The following TRMT2B variants were observed in gnomAD, a reference collection of about 807,000 sequenced individuals.
TRMT2B encodes tRNA (uracil-5-)-methyltransferase homolog B.
In TRMT2B, 34 loss-of-function variants were observed where a neutral mutation model predicts 39.7. The ratio of observed to expected loss-of-function variants is 0.86; its 90% confidence interval spans 0.65 to 1.14. TRMT2B has a LOEUF of 1.14. TRMT2B is among the 50% of genes most tolerant of loss of function. The probability of loss-of-function intolerance (pLI) is 0.00; values close to 1 mark genes in which losing one functional copy is unlikely to be tolerated. For missense variants in TRMT2B, 318 were observed against 377.2 expected (o/e 0.84, Z 1.30); for synonymous variants, 132 against 137.3 (o/e 0.96, Z 0.27).
the TRMT2B span, among the ~76,000 whole-genome samples, chrX:100,998,588 T>C: frequency 6.5e-5 from 7 of 108,090 alleles, no homozygotes; most frequent in Admixed American, 2.0e-4. Flanking sequence ...ACCCATTTCA[T>C]GCATGCTATG....
intron 7 of TRMT2B, among the ~76,000 whole-genome samples, chrX:101,032,618 TA>T (rs2087555605): frequency 9.8e-6 from 1 of 102,403 alleles, no homozygotes; most frequent in Non-Finnish European, 2.0e-5. Flanking sequence ...AAATAAAATA[TA>T]AAAAAAATTA....
At chrX:100,976,607 T>C in the TRMT2B span, among the ~76,000 whole-genome samples, 1 of 112,208 alleles carries the variant, frequency 8.9e-6, no homozygotes, top group Non-Finnish European at 1.9e-5. Context: ...TTGTTGTTGT[T>C]GTTAGTTAGT....
At chrX:101,050,181 T>C (rs2088970887) in intron 2 of TRMT2B, among the ~76,000 whole-genome samples, 1 of 111,915 alleles carries the variant, frequency 8.9e-6, no homozygotes. Context: ...AGCAGGAGGG[T>C]CCTTGTCCAT....
rs1054238258 is a variant in TRMT2B at position 101,013,091 on chromosome X, G to A, written c.1389-2384C>T. 1.3e-4 allele frequency among the ~76,000 whole-genome samples: 14 copies of A among 111,606 alleles called. 1 individual carries two copies. Among genetic ancestry groups the A allele is most frequent in the African/African-American group, 3.3e-4 (10 of 30,692 alleles). ...CTACCTCAGCCTCCCGAAGTGCTGG[G>A]ATTACAGGCGTGAGCCACCGCGCCC... On this transcript the variant is annotated intron_variant, in intron 13 of 13. Coordinates refer to ENST00000372936, the MANE Select transcript of TRMT2B (RefSeq NM_024917.6).
intron 13 of TRMT2B, among the ~76,000 whole-genome samples, chrX:101,017,627 A>T (rs1003690476): frequency 3.6e-5 from 4 of 112,526 alleles, no homozygotes; most frequent in African/African-American, 1.3e-4. Flanking sequence ...CAAAAATCAA[A>T]ATAGCTGACC....
chrX:100,989,283 G>T, the TRMT2B span, among the ~76,000 whole-genome samples: 1 of 111,210 alleles, frequency 9.0e-6, no homozygotes, highest in East Asian at 2.8e-4. Context: ...AAAAGGCCAA[G>T]GTGCCTTTCC....
In TRMT2B at chrX:101,021,180, T is replaced by G; in HGVS notation, c.987A>C (p.Ala329=). 4 of 1,211,064 alleles carry G rather than the reference T, an allele frequency of 3.3e-6. No homozygotes were observed. The highest frequency in any genetic ancestry group is 4.5e-6 in the Non-Finnish European group (4 of 895,055). ...DAFFQINTAG[A]EMLYRTVGEL... is the part of the protein sequence containing the mutation. ...CCCCCACAGTCCGATACAGCATCTC[T>G]GCACCAGCTGTGTTAATCTGGAAAA... The change falls in exon 10 of 14, where the codon GCA becomes GCC. Residue 329 remains alanine, a synonymous_variant. Transcript: ENST00000372936.
At chrX:100,997,465 G>A in the TRMT2B span, among the ~76,000 whole-genome samples, 9 of 111,520 alleles carry the variant, frequency 8.1e-5, no homozygotes, top group South Asian at 3.3e-3. Context: ...TGTCCTTTTT[G>A]TTGTTGTTGT....
At chrX:101,001,293 T>C in the TRMT2B span, among the ~76,000 whole-genome samples, 1 of 110,795 alleles carries the variant, frequency 9.0e-6, no homozygotes, top group Non-Finnish European at 1.9e-5. Context: ...TGGAGTGCAG[T>C]GGTACAATCA....
At chrX:100,986,718 C>T in the TRMT2B span, 6 of 628,408 alleles carry the variant, frequency 9.5e-6, no homozygotes, top group Non-Finnish European at 1.5e-5. Context: ...CTCCTCTTTC[C>T]CTTCTTTTCT....
intron 4 of TRMT2B, among the ~76,000 whole-genome samples, chrX:101,039,828 A>G (rs893385328): frequency 9.1e-6 from 1 of 110,115 alleles, no homozygotes; most frequent in African/African-American, 3.3e-5. Flanking sequence ...TGAGCCCTGG[A>G]GGCAGAGGTT....
intron 2 of TRMT2B, among the ~76,000 whole-genome samples, chrX:101,049,079 G>C (rs188996965): frequency 1.1e-4 from 12 of 111,363 alleles, no homozygotes; most frequent in African/African-American, 3.9e-4. Flanking sequence ...ACAGTTTGTG[G>C]GAAATTTAAA....
the TRMT2B span, among the ~76,000 whole-genome samples, chrX:100,991,374 T>TTTTTGTTTTGTTTTGTTTTGTTTTG: frequency 9.5e-6 from 1 of 104,764 alleles, no homozygotes; most frequent in African/African-American, 3.4e-5. Flanking sequence ...CAGTGCTAAG[T>TTTTTGTTTTGTTTTGTTTTGTTTTG]TTTTGTTTTG....
chrX:101,020,727 T>TGGCAC (rs1429193817), intron 10 of TRMT2B, 139 bp from the exon 11 acceptor site: 1 of 517,083 alleles, frequency 1.9e-6, no homozygotes, highest in Non-Finnish European at 3.3e-6. Context: ...TGGAGTGCAA[T>TGGCAC]GGCACAATCA....
At chrX:101,019,707 C>T (rs2086700190) in intron 11 of TRMT2B, among the ~76,000 whole-genome samples, 1 of 107,878 alleles carries the variant, frequency 9.3e-6, no homozygotes, top group Admixed American at 1.0e-4. Context: ...GATCTCGGCA[C>T]ACTGCAACCT....
the TRMT2B span, among the ~76,000 whole-genome samples, chrX:100,984,731 A>AACAG: frequency 7.1e-5 from 8 of 112,175 alleles, no homozygotes; most frequent in African/African-American, 2.6e-4. Flanking sequence ...GGACCAGCTC[A>AACAG]ACAGACCATG....
intron 2 of TRMT2B, among the ~76,000 whole-genome samples, chrX:101,046,419 T>C: frequency 9.0e-6 from 1 of 110,864 alleles, no homozygotes; most frequent in Middle Eastern, 4.7e-3. Context: ...TGGCAGGCAG[T>C]GGGGACATAT....
At chrX:101,026,875 T>A (rs2087123144) in intron 7 of TRMT2B, among the ~76,000 whole-genome samples, 1 of 111,723 alleles carries the variant, frequency 9.0e-6, no homozygotes, top group Admixed American at 9.6e-5. Context: ...ATCATTCCCA[T>A]CAATATACTA....
downstream of TRMT2B, among the ~76,000 whole-genome samples, chrX:101,008,553 G>A (rs1346404890): frequency 2.7e-5 from 3 of 111,229 alleles, no homozygotes; most frequent in African/African-American, 9.8e-5. Flanking sequence ...ACCGGGAGGC[G>A]GAGAGGTTGC....
Sources: allele counts gnomAD v4.1 joint callset (sites outside exome capture counted in the v4.1 genomes callset), GRCh38; gene constraint gnomAD v4.1.1; transcripts MANE v1.5; gene names NCBI Gene and HGNC (gene_info 2026-07-23, HGNC 2026-07-21).